The following MAP4 variants were observed in gnomAD, a reference collection of about 807,000 sequenced individuals.
MAP4 encodes the protein microtubule-associated protein 4.
MAP4 carries 76 observed loss-of-function variants against 170.2 expected under a neutral mutation model. That is an observed-to-expected ratio of 0.45 (90% CI 0.37 to 0.54). MAP4 has a LOEUF of 0.54. Ranked by LOEUF, MAP4 falls within the 20% of genes least tolerant of loss-of-function variation. The probability of loss-of-function intolerance (pLI) is 0.00; values close to 1 mark genes in which losing one functional copy is unlikely to be tolerated. For missense variants in MAP4, 2,506 were observed against 2,748.0 expected (o/e 0.91, Z 1.97); for synonymous variants, 909 against 994.5 (o/e 0.91, Z 1.62).
At position 47,877,488 on chromosome 3, in the gene MAP4, T is replaced by C. The variant is rs2095715056; in HGVS notation, c.5470A>G (p.Ser1824Gly). 2.5e-6 allele frequency: 4 copies of C among 1,613,906 alleles called. No homozygotes were observed. The highest frequency in any genetic ancestry group is 1.3e-5 in the African/African-American group (1 of 74,906). ...ARPEEGRPVV[S>G]GTGNDITTPP... Reference sequence around the variant, plus strand: ...GTGGTGATGTCATTTCCTGTCCCACTCACCACAGGCCTTCCTTCTTCTGGC... The same window carrying C: ...GTGGTGATGTCATTTCCTGTCCCACCCACCACAGGCCTTCCTTCTTCTGGC... Residue 1824 changes from serine to glycine, a missense_variant, in exon 11 of 21, where the codon AGT becomes GGT. Transcript: ENST00000683076.
intron 1 of MAP4, among the ~76,000 whole-genome samples, chr3:48,033,365 A>G (rs571819716): frequency 2.0e-5 from 3 of 152,296 alleles, no homozygotes; most frequent in South Asian, 4.1e-4. Flanking sequence ...TTTAACTATC[A>G]GTTATCGCAC....
intron 3 of MAP4, among the ~76,000 whole-genome samples, chr3:47,970,833 C>CA (rs552563882): frequency 2.1e-4 from 31 of 150,788 alleles, no homozygotes; most frequent in African/African-American, 3.4e-4. Context: ...CAAAAACAAA[C>CA]AAAAAAAAAT....
chr3:47,956,422 GT>G (rs1254329230), intron 3 of MAP4, among the ~76,000 whole-genome samples: 1 of 152,234 alleles, frequency 6.6e-6, no homozygotes, highest in Non-Finnish European at 1.5e-5. Flanking sequence ...ATTTAAAGAG[GT>G]AGGACTGAAG....
At chr3:48,087,274 C>A (rs1238002649) in intron 1 of MAP4, among the ~76,000 whole-genome samples, 1 of 152,180 alleles carries the variant, frequency 6.6e-6, no homozygotes, top group African/African-American at 2.4e-5. Context: ...ACACACTGCA[C>A]AGTACAGATG....
chr3:47,951,999 G>A (rs1222433917), intron 3 of MAP4, among the ~76,000 whole-genome samples: 5 of 149,982 alleles, frequency 3.3e-5, no homozygotes, highest in African/African-American at 4.9e-5. Context: ...CCTCTGCCCC[G>A]CCACCCCGTC....
intron 4 of MAP4, 145 bp downstream of exon 4, chr3:47,928,080 TGAA>T (rs1392368543): frequency 9.1e-6 from 8 of 879,010 alleles, no homozygotes; most frequent in African/African-American, 8.6e-5. Context: ...AAAGGATAAA[TGAA>T]GAAGAGAAAG....
At chr3:48,083,726 G>A (rs572211429) in intron 1 of MAP4, among the ~76,000 whole-genome samples, 17 of 148,898 alleles carry the variant, frequency 1.1e-4, no homozygotes, top group African/African-American at 4.2e-4. Flanking sequence ...TTTACAGTAA[G>A]ATTAACTTTT....
intron 3 of MAP4, among the ~76,000 whole-genome samples, chr3:47,959,438 C>A (rs1467091591): frequency 4.8e-5 from 7 of 146,530 alleles, no homozygotes; most frequent in Non-Finnish European, 7.5e-5. Context: ...CCAGCCTGGG[C>A]AAAAGAGCGA....
rs554148074 is a variant in MAP4, at chr3:47,920,256, C to T, written c.530-1415G>A. ...AAAGTGCTGGGATTACAGGCATGAG[C>T]CACCACACTCGGCCTAATTTTTCTA... is the stretch of plus-strand genomic sequence containing the variant. On this transcript the variant is annotated intron_variant, in intron 5 of 20. Transcript: ENST00000683076. 9.9e-4 allele frequency among the ~76,000 whole-genome samples: 151 copies of T among 152,200 alleles called. 1 individual carries two copies. The highest frequency in any genetic ancestry group is 3.5e-3 in the African/African-American group (145 of 41,538).
At chr3:47,876,234 C>A (rs556886939) in intron 11 of MAP4, among the ~76,000 whole-genome samples, 2 of 150,998 alleles carry the variant, frequency 1.3e-5, no homozygotes, top group Admixed American at 1.3e-4. Context: ...CAGGTTCAAG[C>A]GATTCTCCTG....
At chr3:47,957,288 C>T (rs113251189) in intron 3 of MAP4, among the ~76,000 whole-genome samples, 1,729 of 152,332 alleles carry the variant, frequency 0.011, 36 homozygotes, top group African/African-American at 0.039. Context: ...CCGCCTCAGC[C>T]TCCCAAGTAG....
At chr3:47,876,292 C>T (rs1197408022) in intron 11 of MAP4, among the ~76,000 whole-genome samples, 1 of 151,898 alleles carries the variant, frequency 6.6e-6, no homozygotes, top group Non-Finnish European at 1.5e-5. Context: ...CCACCACACC[C>T]AGCTAATTTT....
intron 3 of MAP4, among the ~76,000 whole-genome samples, chr3:47,958,183 C>T (rs1469596788): frequency 1.3e-5 from 2 of 152,060 alleles, no homozygotes; most frequent in Non-Finnish European, 2.9e-5. Flanking sequence ...GTCTGAAACC[C>T]AAGGGATTAT....
intron 3 of MAP4, chr3:47,975,323 C>T (rs2100081331): frequency 7.8e-6 from 12 of 1,533,356 alleles, no homozygotes; most frequent in African/African-American, 2.8e-5. Flanking sequence ...CGAAGAACTA[C>T]CCTCAGTTTC....
At chr3:48,071,086 A>G (rs2100140783) in intron 1 of MAP4, among the ~76,000 whole-genome samples, 1 of 152,180 alleles carries the variant, frequency 6.6e-6, no homozygotes, top group South Asian at 2.1e-4. Flanking sequence ...GTGTGCTTTT[A>G]AAAAGCATTT....
At chr3:47,873,353 T>C (rs1308277301) in intron 12 of MAP4, among the ~76,000 whole-genome samples, 1 of 152,204 alleles carries the variant, frequency 6.6e-6, no homozygotes, top group Non-Finnish European at 1.5e-5. Flanking sequence ...ATGAAGACAC[T>C]ATTTTGATAA....
At chr3:47,942,976 C>T (rs572437017) in intron 3 of MAP4, among the ~76,000 whole-genome samples, 4 of 152,060 alleles carry the variant, frequency 2.6e-5, no homozygotes, top group African/African-American at 7.2e-5. Context: ...TAGCCAGGCA[C>T]GGTAGTGCAC....
intron 1 of MAP4, among the ~76,000 whole-genome samples, chr3:48,081,004 T>G (rs1046379936): frequency 4.6e-5 from 7 of 152,104 alleles, no homozygotes; most frequent in South Asian, 2.1e-4. Flanking sequence ...GGCTCCTGTA[T>G]TCCCAGCTAC....
rs1318901327 is a variant in MAP4, at chr3:48,059,960, G to A, written c.-20+28813C>T. Among the ~76,000 whole-genome samples the A allele has an allele frequency of 2.1e-5, 3 of 142,560 alleles. No individual in the cohort carries two copies. In the East Asian group the frequency reaches 6.3e-4, roughly 30 times the overall value. The allele number at this position is 142,560 out of a possible 152,430, so 93.5% of individuals were successfully genotyped here. ...TGCACTCTGGCCTGGGCCACAGAGT[G>A]AGACTCTGTCTCAAAAAAAAAAAAA... On this transcript the variant is annotated intron_variant, in intron 1 of 18. Coordinates refer to the MAP4 transcript ENST00000360240.
Sources: allele counts gnomAD v4.1 joint callset (sites outside exome capture counted in the v4.1 genomes callset), GRCh38; gene constraint gnomAD v4.1.1; transcripts MANE v1.5; gene names NCBI Gene and HGNC (gene_info 2026-07-23, HGNC 2026-07-21).